ERFL: variants seen among roughly 807,000 people sequenced by gnomAD.
ERFL encodes ETS repressor factor like, also known as ETS domain-containing transcription factor ERF-like.
Under a neutral mutation model 27.9 loss-of-function variants are expected in ERFL, and 8 were observed. The ratio of observed to expected loss-of-function variants is 0.29; its 90% CI spans 0.17 to 0.52. The LOEUF (loss-of-function observed/expected upper bound fraction) is 0.52, where lower values mean the gene tolerates loss of function less well. ERFL is among the 20% of genes least tolerant of loss of function. The pLI is 0.97. For missense variants in ERFL, 294 were observed against 444.4 expected (o/e 0.66, Z 3.04); for synonymous variants, 174 against 202.8 (o/e 0.86, Z 1.21).
Position 41,909,293 on chromosome 19 carries a change from G to A in ERFL, c.481C>T (p.Pro161Ser). ...AGACTCACCTCAGGGGTGAGGGGAG[G>A]AGCATCTGGCCCTGGGGCCCCCCCA... The part of the protein sequence containing the change: ...PFGGAPGPDA[P>S]PLTPETLQTL... Residue 161 changes from proline (P) to serine (S), a missense_variant, in exon 4 of 6, where the codon CCT becomes TCT. Transcript: ENST00000597630. The surrounding 1 kb of genome is among the most constrained non-coding windows in gnomAD (Gnocchi z 5.2). 1.6e-6 allele frequency: 2 copies of A among 1,233,630 alleles called. No homozygotes were observed. Among genetic ancestry groups the A allele is most frequent in the Non-Finnish European group, 1.0e-6 (1 of 989,048 alleles). The allele number at this position is 1,233,630 out of a possible 1,614,324, so 76.4% of individuals were successfully genotyped here.
intron 1 of ERFL, among the ~76,000 whole-genome samples, chr19:41,925,024 A>T (rs541774009): frequency 6.6e-6 from 1 of 151,800 alleles, no homozygotes; most frequent in South Asian, 2.1e-4. Context: ...GTTTGGGGGG[A>T]GGAAAAGGAG....
rs1290663467 is a variant in ERFL, at chr19:41,913,285, C to CT, written c.-13-354_-13-353insA. Among the ~76,000 whole-genome samples, 3 of 144,904 alleles carry CT rather than the reference C, an allele frequency of 2.1e-5. No individual in the cohort carries two copies. In the East Asian group the frequency reaches 6.0e-4, roughly 29 times the overall value. On this transcript the variant is annotated intron_variant, in intron 1 of 5. Transcript: ENST00000597630. The stretch of plus-strand genomic sequence containing the variant: ...CACGCCCGCCCGCCCGCCCGCCGCT[C>CT]GCGCCCCGCACCGTCTCTGCTGCCG...
At position 41,908,243 on chromosome 19, in the gene ERFL, CCCTTTGCCCG is replaced by C. The variant is rs1288233545; in HGVS notation, c.1040_1049del (p.Ala347GlyfsTer15). The stretch of plus-strand genomic sequence containing the variant: ...CCCTGCCGGCTCAGCTGCCGGTCCC[CCCTTTGCCCG>C]CCTTTGCCTTGGGGGGTGCCGGGAG... On this transcript the variant is annotated frameshift_variant, in exon 6 of 6. Transcript: ENST00000597630. LOFTEE classifies it high-confidence loss of function. The surrounding 1 kb of genome is among the most constrained non-coding windows in gnomAD (Gnocchi z 6.7). The C allele has an allele frequency of 1.6e-6, 2 of 1,231,744 alleles. No individual in the cohort carries two copies. Among genetic ancestry groups the C allele is most frequent in the Non-Finnish European group, 1.0e-6 (1 of 987,996 alleles). 76.3% of individuals were successfully genotyped at this position (1,231,744 alleles called of 1,614,324 possible).
intron 1 of ERFL, among the ~76,000 whole-genome samples, chr19:41,913,467 C>G (rs553307555): frequency 6.6e-6 from 1 of 151,850 alleles, no homozygotes; most frequent in African/African-American, 2.4e-5. Context: ...GCGGGCTCTT[C>G]CAGCCCAGGC....
rs1465282271 is a variant in ERFL at position 41,916,430 on chromosome 19, CAT to C, written c.-13-3500_-13-3499del. Among the ~76,000 whole-genome samples the C allele has an allele frequency of 6.6e-6, 1 of 152,162 alleles. No homozygotes were observed. Among genetic ancestry groups the C allele is most frequent in the African/African-American group, 2.4e-5 (1 of 41,434 alleles). The stretch of plus-strand genomic sequence containing the variant: ...ACACTGTCACAGTCACACACACACA[CAT>C]CAGCATAGTCACAGATGCACAGAAA... On this transcript the variant is annotated intron_variant, in intron 1 of 5. Transcript: ENST00000597630. This position sits in a 1 kb window ranked among gnomAD's most constrained non-coding sequence, Gnocchi z 5.4.
Position 41,908,272 on chromosome 19 carries a change from C to T in ERFL, c.1021G>A (p.Ala341Thr). Reference sequence around the variant, plus strand: ...TTGCCCGCCTTTGCCTTGGGGGGTGCCGGGAGACCCTCATCGCCCTCGCTG... The same window carrying T: ...TTGCCCGCCTTTGCCTTGGGGGGTGTCGGGAGACCCTCATCGCCCTCGCTG... ...SDSEGDEGLP[A>T]PPKAKAGKGG... is the part of the protein sequence containing the mutation. The change falls in exon 6 of 6, where the codon GCA (alanine) becomes ACA (threonine). Residue 341 changes from alanine to threonine, a missense_variant. Transcript: ENST00000597630. The surrounding 1 kb of genome is among the most constrained non-coding windows in gnomAD (Gnocchi z 6.7). The T allele has an allele frequency of 8.1e-7, 1 of 1,231,588 alleles. No homozygotes were observed. Among genetic ancestry groups the T allele is most frequent in the Non-Finnish European group, 1.0e-6 (1 of 987,894 alleles). The allele number at this position is 1,231,588 out of a possible 1,614,324, so 76.3% of individuals were successfully genotyped here. A position where few individuals can be genotyped will look rare whatever the true frequency, so the allele number is the denominator to read the frequency against.
chr19:41,920,543 C>G (rs929111090), intron 1 of ERFL, among the ~76,000 whole-genome samples: 3 of 149,954 alleles, frequency 2.0e-5, no homozygotes, highest in Admixed American at 2.0e-4. Flanking sequence ...CACTCACAGA[C>G]AGGACACGCC....
chr19:41,912,615 CG>C (rs1392319231), intron 2 of ERFL, among the ~76,000 whole-genome samples: 2 of 152,230 alleles, frequency 1.3e-5, no homozygotes, highest in East Asian at 3.9e-4. Flanking sequence ...CACTCACTTC[CG>C]TACCCTCCCA....
In ERFL at chr19:41,909,261, A is replaced by G; in HGVS notation, c.498+15T>C. 1 of 1,232,282 alleles carries G rather than the reference A, an allele frequency of 8.1e-7. No homozygotes were observed. Among genetic ancestry groups the G allele is most frequent in the Non-Finnish European group, 1.0e-6 (1 of 988,504 alleles). 76.3% of individuals were successfully genotyped at this position (1,232,282 alleles called of 1,614,324 possible). A position where few individuals can be genotyped will look rare whatever the true frequency, so the allele number is the denominator to read the frequency against. ...CCAAGTGCCTCGGTTCCAGGACCCC[A>G]GTACCCAGACTCACCTCAGGGGTGA... is the stretch of plus-strand genomic sequence containing the variant. On this transcript the variant is annotated intron_variant, in intron 4 of 5. Transcript: ENST00000597630. The surrounding 1 kb of genome is among the most constrained non-coding windows in gnomAD (Gnocchi z 5.2).
intron 1 of ERFL, among the ~76,000 whole-genome samples, chr19:41,919,261 C>T (rs1224018894): frequency 2.6e-5 from 4 of 152,146 alleles, no homozygotes; most frequent in African/African-American, 9.7e-5. Flanking sequence ...CACAGAAGCA[C>T]ACAGGGTGAC....
At position 41,909,833 on chromosome 19, in the gene ERFL, G is replaced by A; in HGVS notation, c.302+30C>T. 1 of 1,568,482 alleles carries A rather than the reference G, an allele frequency of 6.4e-7. No homozygotes were observed. The highest frequency in any genetic ancestry group is 8.7e-7 in the Non-Finnish European group (1 of 1,155,894). On this transcript the variant is annotated intron_variant, in intron 3 of 5. Coordinates refer to ENST00000597630, the MANE Select transcript of ERFL (RefSeq NM_001365103.2). This position sits in a 1 kb window ranked among gnomAD's most constrained non-coding sequence, Gnocchi z 5.2. ...AGGGACAGTTGGGGGAAAAGGACAAGGTGGGATCCAGCCCCAAGCCCTTCC... is the reference window on the plus strand; with the variant it reads ...AGGGACAGTTGGGGGAAAAGGACAAAGTGGGATCCAGCCCCAAGCCCTTCC...
chr19:41,912,690 A>G (rs1359848904), intron 2 of ERFL, among the ~76,000 whole-genome samples, 163 bp downstream of exon 2: 1 of 152,162 alleles, frequency 6.6e-6, no homozygotes, highest in East Asian at 1.9e-4. Context: ...GTTTTTAGCC[A>G]AGTTTCTCAG....
chr19:41,910,116 G>A lies in ERFL; in HGVS notation c.68-19C>T. ...GCAAACCCTGGGGACGGGAGGCAGG[G>A]AGTGGCCTGGGGTCAGGATGCCAAG... is the stretch of plus-strand genomic sequence containing the variant. On this transcript the variant is annotated intron_variant, in intron 2 of 5. Coordinates refer to ENST00000597630, the MANE Select transcript of ERFL (RefSeq NM_001365103.2). This position sits in a 1 kb window ranked among gnomAD's most constrained non-coding sequence, Gnocchi z 4.4. The A allele has an allele frequency of 6.2e-7, 1 of 1,603,580 alleles. No individual in the cohort carries two copies. The highest frequency in any genetic ancestry group is 8.5e-7 in the Non-Finnish European group (1 of 1,175,306).
rs1202099294 is a variant in ERFL, at chr19:41,910,402, T to C, written c.68-305A>G. 2.6e-5 allele frequency among the ~76,000 whole-genome samples: 4 copies of C among 152,064 alleles called. No individual in the cohort carries two copies. Among genetic ancestry groups the C allele is most frequent in the African/African-American group, 9.7e-5 (4 of 41,398 alleles). Reference sequence around the variant, plus strand: ...GGGAGGGACTGGCTTCCTGCACCCATGACAGTGAGGAGGAATGGGGAGGGG... The same window carrying C: ...GGGAGGGACTGGCTTCCTGCACCCACGACAGTGAGGAGGAATGGGGAGGGG... On this transcript the variant is annotated intron_variant, in intron 2 of 5. Transcript: ENST00000597630. This position sits in a 1 kb window ranked among gnomAD's most constrained non-coding sequence, Gnocchi z 4.4.
intron 1 of ERFL, among the ~76,000 whole-genome samples, chr19:41,926,410 G>C (rs1356262703): frequency 2.0e-5 from 3 of 152,108 alleles, no homozygotes; most frequent in Admixed American, 6.5e-5. Flanking sequence ...GGAGTTGAAG[G>C]GGGAACATGG....
chr19:41,919,396 A>T (rs1448409201), intron 1 of ERFL, among the ~76,000 whole-genome samples: 1 of 152,176 alleles, frequency 6.6e-6, no homozygotes, highest in Non-Finnish European at 1.5e-5. Context: ...ATACACAAAC[A>T]GTCATCAGTG....
intron 2 of ERFL, 27 bp downstream of exon 2, chr19:41,912,826 G>C: frequency 3.2e-6 from 3 of 949,098 alleles, no homozygotes; most frequent in Non-Finnish European, 4.1e-6. Flanking sequence ...GGTGGGGGAA[G>C]GGGTGGGGGA....
intron 1 of ERFL, among the ~76,000 whole-genome samples, chr19:41,915,869 C>T (rs1263638291): frequency 2.6e-5 from 4 of 152,180 alleles, no homozygotes; most frequent in African/African-American, 4.8e-5. Context: ...GCAGGACGGC[C>T]GGACAGATGG....
intron 1 of ERFL, among the ~76,000 whole-genome samples, chr19:41,923,797 G>C (rs10414709): frequency 0.38 from 795 of 2,076 alleles, 301 homozygotes; most frequent in East Asian, 0.72. Flanking sequence ...GGTGGATCTG[G>C]GGAGGCGGGG....
Sources: gnomAD v4.1 joint callset for allele counts (sites outside exome capture counted in the v4.1 genomes callset) on GRCh38, gnomAD v4.1.1 for gene constraint, Gnocchi (gnomAD v3.1) non-coding constraint, MANE v1.5 for transcripts, NCBI Gene and HGNC (gene_info 2026-07-23, HGNC 2026-07-21) for gene names.